Variants in AAK1 observed in about 807,000 individuals in gnomAD.
AAK1 encodes the protein AP2-associated protein kinase 1.
Under a neutral mutation model 116.0 loss-of-function variants are expected in AAK1, and 37 were observed. The observed-to-expected ratio is 0.32, with a 90% confidence interval of 0.25 to 0.42. The LOEUF (loss-of-function observed/expected upper bound fraction) is 0.42. Ranked by LOEUF, AAK1 falls within the 10% of genes least tolerant of loss-of-function variation. AAK1 has a pLI of 1.00. For missense variants in AAK1, 919 were observed against 1,170.6 expected, an observed-to-expected ratio of 0.79 and a Z score of 3.14; for synonymous variants, 458 against 439.9, an observed-to-expected ratio of 1.04 and a Z score of -0.51.
At chr2:69,545,982 A>C (rs1243482134) in intron 3 of AAK1, among the ~76,000 whole-genome samples, 1 of 152,186 alleles carries the variant, frequency 6.6e-6, no homozygotes, top group Non-Finnish European at 1.5e-5. Context: ...AAGAGGAAGG[A>C]GCCAAGAGAA....
chr2:69,587,478 T>TA (rs1672840996), intron 2 of AAK1, among the ~76,000 whole-genome samples: 1 of 143,536 alleles, frequency 7.0e-6, no homozygotes, highest in Admixed American at 7.2e-5. Flanking sequence ...TATATATATA[T>TA]TTTTTTGATG....
At chr2:69,632,574 T>C (rs972166738) in intron 2 of AAK1, among the ~76,000 whole-genome samples, 2 of 150,078 alleles carry the variant, frequency 1.3e-5, no homozygotes, top group Middle Eastern at 3.2e-3. Flanking sequence ...TTTAGGCAAA[T>C]CACCTAATTT....
At chr2:69,585,178 G>A (rs1462338699) in intron 2 of AAK1, among the ~76,000 whole-genome samples, 1 of 152,150 alleles carries the variant, frequency 6.6e-6, no homozygotes, top group African/African-American at 2.4e-5. Context: ...TCTATGAAAA[G>A]GAGAGATCTA....
chr2:69,562,396 G>A (rs1451532478), intron 2 of AAK1, among the ~76,000 whole-genome samples: 1 of 152,190 alleles, frequency 6.6e-6, no homozygotes, highest in Non-Finnish European at 1.5e-5. Flanking sequence ...ATAAGCATAG[G>A]ATCATGGAGT....
intron 3 of AAK1, among the ~76,000 whole-genome samples, chr2:69,552,672 C>G (rs938483656): frequency 6.6e-6 from 1 of 151,952 alleles, no homozygotes; most frequent in African/African-American, 2.4e-5. Context: ...GATTGCACCA[C>G]TGCACTCCAG....
intron 2 of AAK1, among the ~76,000 whole-genome samples, chr2:69,631,043 A>G (rs372256174): frequency 7.0e-4 from 106 of 152,352 alleles, no homozygotes; most frequent in African/African-American, 2.5e-3. Flanking sequence ...TCCTGAATCA[A>G]TCAGATTCAC....
chr2:69,628,647 C>G (rs930117352), intron 2 of AAK1, among the ~76,000 whole-genome samples: 2 of 152,214 alleles, frequency 1.3e-5, no homozygotes, highest in Non-Finnish European at 2.9e-5. Flanking sequence ...GGTGAGTAGA[C>G]AGCCACTTAA....
Position 69,465,409 on chromosome 2 carries a change from G to T in AAK1, c.*10460C>A. ...GGTGGGATAGAGACAAGAGGCTTGA[G>T]GCTCAGGTTTTGCTCCTAGGGTTTC... On this transcript the variant is annotated 3_prime_UTR_variant, in exon 22 of 22. Coordinates refer to ENST00000409085, the MANE Select transcript of AAK1 (RefSeq NM_014911.5). 7.9e-7 allele frequency: 1 copy of T among 1,272,986 alleles called. No individual in the cohort carries two copies. Among genetic ancestry groups the T allele is most frequent in the Non-Finnish European group, 1.0e-6 (1 of 978,274 alleles). The allele number at this position is 1,272,986 out of a possible 1,614,324, so 78.9% of individuals were successfully genotyped here. A position where few individuals can be genotyped will look rare whatever the true frequency, so the allele number is the denominator to read the frequency against.
rs2104878950 is a variant in AAK1 at position 69,474,438 on chromosome 2, T to C, written c.*1431A>G. The C allele has an allele frequency of 4.1e-6, 4 of 985,710 alleles. No individual in the cohort carries two copies. Among genetic ancestry groups the C allele is most frequent in the Non-Finnish European group, 4.8e-6 (4 of 829,916 alleles). 61.1% of individuals were successfully genotyped at this position (985,710 alleles called of 1,614,324 possible). On this transcript the variant is annotated 3_prime_UTR_variant, in exon 22 of 22. Transcript: ENST00000409085. The stretch of plus-strand genomic sequence containing the variant: ...ATACACTTTAATGAGTAAGTACATA[T>C]AGAGAGGGTGACCATGAGGCATGTT...
At chr2:69,623,297 G>GT (rs985770653) in intron 2 of AAK1, among the ~76,000 whole-genome samples, 1 of 152,160 alleles carries the variant, frequency 6.6e-6, no homozygotes, top group African/African-American at 2.4e-5. Flanking sequence ...CTTGAAGTCA[G>GT]TAAGACCAAG....
intron 2 of AAK1, among the ~76,000 whole-genome samples, chr2:69,615,454 T>C (rs1411046262): frequency 6.6e-6 from 1 of 152,252 alleles, no homozygotes; most frequent in African/African-American, 2.4e-5. Context: ...CAGTGGAAGA[T>C]GTTTTAAGAA....
At position 69,623,278 on chromosome 2, in the gene AAK1, G is replaced by A. The variant is rs527636304; in HGVS notation, c.163+19600C>T. ...TGTGACACTCACTGCGAGGGTCCGC[G>A]GCTTCATTCTTGAAGTCAGTAAGAC... On this transcript the variant is annotated intron_variant, in intron 2 of 21. Transcript: ENST00000409085. 7.9e-5 allele frequency among the ~76,000 whole-genome samples: 12 copies of A among 152,184 alleles called. No individual in the cohort carries two copies. The South Asian group carries it at 8.3e-4, about 11-fold the overall frequency.
intron 2 of AAK1, among the ~76,000 whole-genome samples, chr2:69,614,368 G>T (rs943865347): frequency 1.3e-5 from 2 of 152,130 alleles, no homozygotes; most frequent in African/African-American, 2.4e-5. Flanking sequence ...CTGGAAGGAG[G>T]AGTCTAGTAA....
At chr2:69,607,014 C>T (rs1287128716) in intron 2 of AAK1, among the ~76,000 whole-genome samples, 2 of 129,682 alleles carry the variant, frequency 1.5e-5, no homozygotes, top group Non-Finnish European at 3.1e-5. Context: ...TGCAGTGAGC[C>T]GAGATCACAC....
chr2:69,513,325 C>CT (rs374957512), intron 13 of AAK1, among the ~76,000 whole-genome samples: 11,946 of 145,714 alleles, frequency 0.082, 621 homozygotes, highest in Middle Eastern at 0.19. Flanking sequence ...AAGATGGTTT[C>CT]TTTTTTTTTT....
chr2:69,467,151 A>G lies in AAK1; in HGVS notation c.*8718T>C. 1.0e-6 allele frequency: 1 copy of G among 985,460 alleles called. No individual in the cohort carries two copies. The highest frequency in any genetic ancestry group is 1.2e-6 in the Non-Finnish European group (1 of 829,932). 61.0% of individuals were successfully genotyped at this position (985,460 alleles called of 1,614,324 possible). A position where few individuals can be genotyped will look rare whatever the true frequency, so the allele number is the denominator to read the frequency against. ...AAGGTACCTTCTGAGGGGAGCATAC[A>G]GCATCAAAATCAGACCAAATAAATC... On this transcript the variant is annotated 3_prime_UTR_variant, in exon 22 of 22. Transcript: ENST00000409085.
At chr2:69,500,688 T>C (rs181018634) in intron 16 of AAK1, among the ~76,000 whole-genome samples, 1,816 of 112,060 alleles carry the variant, frequency 0.016, 78 homozygotes, top group Admixed American at 0.085. Context: ...TATATATATA[T>C]ATATATATAT....
At chr2:69,556,550 G>A (rs1427450635) in intron 3 of AAK1, among the ~76,000 whole-genome samples, 1 of 152,160 alleles carries the variant, frequency 6.6e-6, no homozygotes, top group Admixed American at 6.5e-5. Context: ...GGAAAGTTAG[G>A]CTTTCTGGAT....
intron 12 of AAK1, among the ~76,000 whole-genome samples, chr2:69,515,530 A>G (rs552954633): frequency 2.0e-5 from 3 of 151,882 alleles, no homozygotes; most frequent in African/African-American, 4.8e-5. Flanking sequence ...CAGTCTCACA[A>G]TGTTGCCCAG....
Sources: gnomAD v4.1 joint callset for allele counts (sites outside exome capture counted in the v4.1 genomes callset) on GRCh38, gnomAD v4.1.1 for gene constraint, MANE v1.5 for transcripts, NCBI Gene and HGNC (gene_info 2026-07-23, HGNC 2026-07-21) for gene names.